The following NEK1 variants were observed in gnomAD, a reference collection of about 807,000 sequenced individuals.
The protein encoded by NEK1 is serine/threonine-protein kinase Nek1.
In NEK1, 137 loss-of-function variants were observed where a neutral mutation model predicts 182.1. The observed-to-expected ratio is 0.75, with a 90% confidence interval of 0.65 to 0.87. The LOEUF (loss-of-function observed/expected upper bound fraction) is 0.87, where lower values mean the gene tolerates loss of function less well. NEK1 is among the 40% of genes least tolerant of loss of function. NEK1 has a pLI of 0.00. For synonymous variants in NEK1, 513 were observed against 492.2 expected, an observed-to-expected ratio of 1.04 and a Z score of -0.56; for missense variants, 1,391 against 1,494.4, an observed-to-expected ratio of 0.93 and a Z score of 1.14.
intron 35 of NEK1, 95 bp from the exon 36 acceptor site, chr4:169,394,618 T>G (rs1730392880): frequency 1.2e-5 from 8 of 665,530 alleles, no homozygotes. Context: ...GAGAAGAGCT[T>G]TAATGTAGTT....
intron 27 of NEK1, among the ~76,000 whole-genome samples, chr4:169,456,362 A>C (rs931174786): frequency 5.9e-5 from 9 of 152,268 alleles, no homozygotes; most frequent in African/African-American, 2.2e-4. Flanking sequence ...GAAATAATAA[A>C]GATGAGTGCA....
chr4:169,611,063 G>A (rs1035594127), intron 2 of NEK1, among the ~76,000 whole-genome samples: 5 of 152,088 alleles, frequency 3.3e-5, no homozygotes, highest in African/African-American at 1.2e-4. Flanking sequence ...AACAGATTTT[G>A]TAGTAGAAAC....
rs756139766 is a variant in NEK1 at position 169,394,492 on chromosome 4, TA to T, written c.*17del. 2 of 1,381,240 alleles carry T rather than the reference TA, an allele frequency of 1.4e-6. No homozygotes were observed. The highest frequency in any genetic ancestry group is 2.0e-6 in the Non-Finnish European group (2 of 992,482). 85.6% of individuals were successfully genotyped at this position (1,381,240 alleles called of 1,614,324 possible). On this transcript the variant is annotated 3_prime_UTR_variant, in exon 36 of 36. Coordinates refer to ENST00000507142, the MANE Select transcript of NEK1 (RefSeq NM_001199397.3). ...CAAATGCTTTCATATAGTTGAGGAT[TA>T]AAAAACATTTTGAGGATTATTCATC... is the stretch of plus-strand genomic sequence containing the variant.
At chr4:169,436,315 T>G (rs1271644584) in intron 28 of NEK1, among the ~76,000 whole-genome samples, 1 of 152,232 alleles carries the variant, frequency 6.6e-6, no homozygotes, top group African/African-American at 2.4e-5. Context: ...AAAGCCTATG[T>G]GCACTGGCTT....
At chr4:169,536,633 TA>T (rs888698096) in intron 19 of NEK1, among the ~76,000 whole-genome samples, 11 of 150,822 alleles carry the variant, frequency 7.3e-5, no homozygotes, top group Non-Finnish European at 8.9e-5. Flanking sequence ...AAAGTTCCTC[TA>T]AAAAAAAATT....
intron 2 of NEK1, among the ~76,000 whole-genome samples, chr4:169,610,075 T>G (rs1338187327): frequency 6.7e-6 from 1 of 149,894 alleles, no homozygotes. Flanking sequence ...TGGAATGCAA[T>G]GGTGCCATTT....
At position 169,583,325 on chromosome 4, in the gene NEK1, TA is replaced by T. The variant is rs147183856; in HGVS notation, c.807+2023del. ...ACCTAAGTAGATATATAGTACAAAATAAATCTGAGGAACAGCAGATAAAGGT... is the reference window on the plus strand; with the variant it reads ...ACCTAAGTAGATATATAGTACAAAATAATCTGAGGAACAGCAGATAAAGGT... On this transcript the variant is annotated intron_variant, in intron 10 of 35. Coordinates refer to ENST00000507142, the MANE Select transcript of NEK1 (RefSeq NM_001199397.3). Among the ~76,000 whole-genome samples the T allele has an allele frequency of 7.0e-3, 1,018 of 145,852 alleles. 11 individuals carry two copies. The highest frequency in any genetic ancestry group is 0.025 in the African/African-American group (984 of 39,952).
rs1734087008 is a variant in NEK1, at chr4:169,413,924, G to A, written c.3223-7177C>T. Among the ~76,000 whole-genome samples the A allele has an allele frequency of 2.0e-5, 3 of 152,322 alleles. No homozygotes were observed. The South Asian group carries it at 6.2e-4, about 32-fold the overall frequency. On this transcript the variant is annotated intron_variant, in intron 31 of 35. Coordinates refer to ENST00000507142, the MANE Select transcript of NEK1 (RefSeq NM_001199397.3). ...CCCAGCTGCTTGGGAGGCTGAGGCA[G>A]AAGAATCACCTGAACCCAGAGGGCA...
intron 2 of NEK1, among the ~76,000 whole-genome samples, chr4:169,607,625 G>C (rs1291973411): frequency 1.3e-5 from 2 of 151,944 alleles, no homozygotes; most frequent in African/African-American, 4.8e-5. Context: ...ACCACGCCCG[G>C]CTAATTTTTT....
chr4:169,498,773 A>C (rs958738503), intron 23 of NEK1, among the ~76,000 whole-genome samples: 6 of 152,194 alleles, frequency 3.9e-5, no homozygotes, highest in South Asian at 2.1e-4. Context: ...CCTAGAGATC[A>C]GCTGTTAGTC....
chr4:169,498,340 G>C (rs1187238660), intron 23 of NEK1, among the ~76,000 whole-genome samples: 1 of 152,132 alleles, frequency 6.6e-6, no homozygotes, highest in Non-Finnish European at 1.5e-5. Context: ...CACACTGACG[G>C]ATCTTGACTC....
At chr4:169,506,221 G>A (rs1481435901) in intron 23 of NEK1, among the ~76,000 whole-genome samples, 1 of 152,112 alleles carries the variant, frequency 6.6e-6, no homozygotes, top group African/African-American at 2.4e-5. Flanking sequence ...AAAGCATATT[G>A]TAAATAATTA....
At chr4:169,437,760 G>C (rs890294900) in intron 28 of NEK1, among the ~76,000 whole-genome samples, 3 of 152,182 alleles carry the variant, frequency 2.0e-5, no homozygotes, top group Admixed American at 2.0e-4. Context: ...CTTCAGACCA[G>C]CCTAGCTGCC....
chr4:169,426,692 C>G (rs1487874465), intron 29 of NEK1, among the ~76,000 whole-genome samples: 1 of 152,110 alleles, frequency 6.6e-6, no homozygotes, highest in Non-Finnish European at 1.5e-5. Flanking sequence ...GAATATAAAA[C>G]AATTACAATA....
chr4:169,426,704 A>G (rs1223105101), intron 29 of NEK1, among the ~76,000 whole-genome samples: 1 of 152,232 alleles, frequency 6.6e-6, no homozygotes, highest in Admixed American at 6.5e-5. Context: ...ATTACAATAT[A>G]TTAATACCAT....
At chr4:169,559,914 C>G (rs1486497912) in intron 16 of NEK1, among the ~76,000 whole-genome samples, 1 of 152,136 alleles carries the variant, frequency 6.6e-6, no homozygotes, top group Non-Finnish European at 1.5e-5. Context: ...GAGGCTGAGG[C>G]AGGAGAATCG....
intron 12 of NEK1, among the ~76,000 whole-genome samples, chr4:169,567,227 C>T (rs1187747631): frequency 1.3e-5 from 2 of 152,122 alleles, no homozygotes; most frequent in Admixed American, 6.5e-5. Context: ...TCCACACAAT[C>T]GACTGCCGTT....
chr4:169,481,480 A>T (rs1747990443), intron 23 of NEK1, among the ~76,000 whole-genome samples: 1 of 152,242 alleles, frequency 6.6e-6, no homozygotes, highest in African/African-American at 2.4e-5. Flanking sequence ...TGGCTGCAGA[A>T]TGGATGTCGT....
chr4:169,483,857 C>T (rs1315861320), intron 23 of NEK1, among the ~76,000 whole-genome samples: 1 of 93,624 alleles, frequency 1.1e-5, no homozygotes, highest in Non-Finnish European at 1.9e-5. Context: ...CAGAGTGAGA[C>T]TCTGTCTCAA....
Sources: gnomAD v4.1 joint callset for allele counts (sites outside exome capture counted in the v4.1 genomes callset) on GRCh38, gnomAD v4.1.1 for gene constraint, MANE v1.5 for transcripts, NCBI Gene and HGNC (gene_info 2026-07-23, HGNC 2026-07-21) for gene names.